The following PELI2 variants were observed in gnomAD, a reference collection of about 807,000 sequenced individuals.
PELI2 encodes the protein pellino E3 ubiquitin protein ligase family member 2.
Under a neutral mutation model 42.3 loss-of-function variants are expected in PELI2, and 23 were observed. The observed-to-expected ratio is 0.54, with a 90% confidence interval of 0.39 to 0.77. PELI2 has a LOEUF of 0.77. Among genes scored for constraint, PELI2 ranks in the 30% least tolerant of loss-of-function variants. PELI2 has a pLI of 0.00. For synonymous variants in PELI2, 245 were observed against 212.2 expected, an observed-to-expected ratio of 1.15 and a Z score of -1.34; for missense variants, 463 against 553.2, an observed-to-expected ratio of 0.84 and a Z score of 1.64.
At chr14:56,171,507 G>A (rs1885167527) in intron 1 of PELI2, among the ~76,000 whole-genome samples, 1 of 152,178 alleles carries the variant, frequency 6.6e-6, no homozygotes, top group South Asian at 2.1e-4. Flanking sequence ...AACATACTAA[G>A]ATAATGGTCC....
chr14:56,212,536 G>T (rs1052539546), intron 2 of PELI2, among the ~76,000 whole-genome samples: 3 of 152,162 alleles, frequency 2.0e-5, no homozygotes, highest in Non-Finnish European at 4.4e-5. Context: ...TCCTGCAGTG[G>T]AGTTGAAGAC....
chr14:56,168,665 C>A (rs376628898), intron 1 of PELI2, among the ~76,000 whole-genome samples: 1 of 151,930 alleles, frequency 6.6e-6, no homozygotes, highest in Non-Finnish European at 1.5e-5. Flanking sequence ...TGCTCTACCC[C>A]CCTGTGGCCG....
intron 1 of PELI2, among the ~76,000 whole-genome samples, chr14:56,132,127 C>A (rs555708418): frequency 7.2e-5 from 11 of 152,272 alleles, no homozygotes; most frequent in African/African-American, 2.6e-4. Flanking sequence ...TTTACAGCAG[C>A]CCTGGAGGAG....
At chr14:56,181,963 A>G (rs1028275272) in intron 2 of PELI2, among the ~76,000 whole-genome samples, 3 of 152,208 alleles carry the variant, frequency 2.0e-5, no homozygotes, top group African/African-American at 7.2e-5. Flanking sequence ...CATTTATTCA[A>G]CAAATATTTA....
At chr14:56,152,607 G>T (rs1353686656) in intron 1 of PELI2, among the ~76,000 whole-genome samples, 1 of 152,152 alleles carries the variant, frequency 6.6e-6, no homozygotes, top group African/African-American at 2.4e-5. Context: ...GTCTTGTTTA[G>T]ACCTCCCTTG....
chr14:56,261,105 T>TATTC (rs1330090244), intron 2 of PELI2, among the ~76,000 whole-genome samples: 4 of 152,134 alleles, frequency 2.6e-5, no homozygotes, highest in Non-Finnish European at 5.9e-5. Context: ...GCTTCCCAGT[T>TATTC]ATTCAAGTTT....
intron 2 of PELI2, among the ~76,000 whole-genome samples, chr14:56,230,656 G>A (rs562425919): frequency 6.6e-6 from 1 of 152,172 alleles, no homozygotes; most frequent in Non-Finnish European, 1.5e-5. Context: ...ATGCCAAATT[G>A]TAAAGACCAT....
chr14:56,147,214 G>A (rs536874399), intron 1 of PELI2, among the ~76,000 whole-genome samples: 2 of 152,186 alleles, frequency 1.3e-5, no homozygotes, highest in Non-Finnish European at 2.9e-5. Context: ...TTAATGGACA[G>A]TTGGATTGTC....
intron 2 of PELI2, among the ~76,000 whole-genome samples, chr14:56,216,859 C>G (rs930590423): frequency 6.6e-6 from 1 of 152,198 alleles, no homozygotes; most frequent in Non-Finnish European, 1.5e-5. Context: ...TACTGCTTCT[C>G]TTGAGGCTGA....
intron 2 of PELI2, among the ~76,000 whole-genome samples, chr14:56,223,794 A>G (rs558830847): frequency 6.6e-6 from 1 of 152,216 alleles, no homozygotes; most frequent in Admixed American, 6.5e-5. Context: ...TTTTTCGTTC[A>G]TTTTTCTAAT....
rs572698394 is a variant in PELI2 at position 56,141,723 on chromosome 14, G to A, written c.77+22986G>A. On this transcript the variant is annotated intron_variant, in intron 1 of 5. Transcript: ENST00000267460. ...TCAGATCTCATGATGCTCACTCACTGTCATGAGAACAGCATGGGGGAAACC... is the reference window on the plus strand; with the variant it reads ...TCAGATCTCATGATGCTCACTCACTATCATGAGAACAGCATGGGGGAAACC... Among the ~76,000 whole-genome samples the A allele has an allele frequency of 2.8e-4, 42 of 152,268 alleles. 1 individual carries two copies. The South Asian group carries it at 7.3e-3, about 26-fold the overall frequency.
At chr14:56,255,872 G>A (rs1308115661) in intron 2 of PELI2, among the ~76,000 whole-genome samples, 1 of 152,172 alleles carries the variant, frequency 6.6e-6, no homozygotes, top group Non-Finnish European at 1.5e-5. Context: ...GAGAAGGGAA[G>A]ATGGAGCCAC....
chr14:56,127,984 A>G (rs980416751), intron 1 of PELI2, among the ~76,000 whole-genome samples: 1 of 152,190 alleles, frequency 6.6e-6, no homozygotes, highest in Non-Finnish European at 1.5e-5. Context: ...GTGTGTATGT[A>G]TATATTTTAT....
intron 5 of PELI2, among the ~76,000 whole-genome samples, chr14:56,296,252 T>C (rs1045210594): frequency 6.6e-6 from 1 of 152,210 alleles, no homozygotes; most frequent in Non-Finnish European, 1.5e-5. Flanking sequence ...TCTCATCCTA[T>C]GGGATCAGTG....
At chr14:56,282,323 T>C (rs1030212950) in intron 3 of PELI2, among the ~76,000 whole-genome samples, 1 of 152,124 alleles carries the variant, frequency 6.6e-6, no homozygotes, top group East Asian at 1.9e-4. Flanking sequence ...TGGAGTCATA[T>C]TGGTAATATA....
At chr14:56,236,912 G>T (rs1223394279) in intron 2 of PELI2, among the ~76,000 whole-genome samples, 1 of 152,148 alleles carries the variant, frequency 6.6e-6, no homozygotes, top group Non-Finnish European at 1.5e-5. Flanking sequence ...TTGTACTCTG[G>T]AGGTGTCAGT....
chr14:56,154,500 C>G (rs1214161342), intron 1 of PELI2, among the ~76,000 whole-genome samples: 2 of 152,214 alleles, frequency 1.3e-5, no homozygotes, highest in African/African-American at 4.8e-5. Context: ...CTCTCTCCTG[C>G]TGCCATGTGA....
At chr14:56,170,449 C>T (rs1885124672) in intron 1 of PELI2, among the ~76,000 whole-genome samples, 1 of 152,204 alleles carries the variant, frequency 6.6e-6, no homozygotes, top group African/African-American at 2.4e-5. Flanking sequence ...CATCTTTGCA[C>T]TGTATGCCAA....
At chr14:56,258,989 CAAAAT>C (rs1337107931) in intron 2 of PELI2, among the ~76,000 whole-genome samples, 2 of 151,744 alleles carry the variant, frequency 1.3e-5, no homozygotes, top group African/African-American at 4.8e-5. Context: ...CACAGAGAAA[CAAAAT>C]TAAGAATGAA....
Sources: allele counts gnomAD v4.1 joint callset (sites outside exome capture counted in the v4.1 genomes callset), GRCh38; gene constraint gnomAD v4.1.1; transcripts MANE v1.5; gene names NCBI Gene and HGNC (gene_info 2026-07-23, HGNC 2026-07-21).